KSR1: variants seen among roughly 807,000 people sequenced by gnomAD.
KSR1 encodes the protein kinase suppressor of ras.
In KSR1, 35 loss-of-function variants were observed where a neutral mutation model predicts 92.9. The ratio of observed to expected loss-of-function variants is 0.38; its 90% CI spans 0.29 to 0.50. The LOEUF (loss-of-function observed/expected upper bound fraction) is 0.50. KSR1 is among the 20% of genes least tolerant of loss of function. The probability of loss-of-function intolerance (pLI) is 0.94; values close to 1 mark genes in which losing one functional copy is unlikely to be tolerated. For missense variants in KSR1, 972 were observed against 1,158.5 expected (o/e 0.84, Z 2.34); for synonymous variants, 467 against 472.6 (o/e 0.99, Z 0.15).
At chr17:27,460,983 CTT>C (rs1436253735) in intron 1 of KSR1, among the ~76,000 whole-genome samples, 1 of 152,180 alleles carries the variant, frequency 6.6e-6, no homozygotes, top group African/African-American at 2.4e-5. Context: ...ACAGTAATGA[CTT>C]TAGTAGCACA....
chr17:27,585,375 C>T (rs899596821), intron 4 of KSR1, among the ~76,000 whole-genome samples: 5 of 152,158 alleles, frequency 3.3e-5, no homozygotes, highest in Admixed American at 1.3e-4. Flanking sequence ...TGCTTGGTTG[C>T]TGGCGAGGCT....
intron 1 of KSR1, among the ~76,000 whole-genome samples, chr17:27,548,630 G>A (rs1366747921): frequency 6.6e-6 from 1 of 152,120 alleles, no homozygotes; most frequent in Admixed American, 6.5e-5. Context: ...AGAAGTTGGA[G>A]ACCAGCCTGT....
At chr17:27,468,626 T>A (rs1179830346) in intron 1 of KSR1, among the ~76,000 whole-genome samples, 1 of 152,180 alleles carries the variant, frequency 6.6e-6, no homozygotes, top group Non-Finnish European at 1.5e-5. Context: ...CCCAGGGCGG[T>A]CTTCTCCAGC....
intron 1 of KSR1, among the ~76,000 whole-genome samples, chr17:27,537,027 C>T (rs2070775956): frequency 6.6e-6 from 1 of 152,232 alleles, no homozygotes; most frequent in Non-Finnish European, 1.5e-5. Context: ...GAAGAACCCT[C>T]ACCACCCACT....
chr17:27,587,970 C>T (rs543352569), intron 5 of KSR1, among the ~76,000 whole-genome samples: 19 of 152,342 alleles, frequency 1.2e-4, no homozygotes, highest in East Asian at 3.9e-4. Flanking sequence ...AGTGGCCTCT[C>T]CCAGAGGAAT....
At chr17:27,531,522 G>C (rs2070536729) in intron 1 of KSR1, among the ~76,000 whole-genome samples, 1 of 151,506 alleles carries the variant, frequency 6.6e-6, no homozygotes, top group African/African-American at 2.4e-5. Context: ...ATCCGTCATG[G>C]AAGATCTGGC....
chr17:27,528,852 C>T (rs1183302418), intron 1 of KSR1, among the ~76,000 whole-genome samples: 2 of 152,100 alleles, frequency 1.3e-5, no homozygotes, highest in Non-Finnish European at 2.9e-5. Context: ...TTGCAGTGAG[C>T]TACGGTCATG....
At chr17:27,602,394 G>A (rs1283681824) in intron 11 of KSR1, among the ~76,000 whole-genome samples, 3 of 152,210 alleles carry the variant, frequency 2.0e-5, no homozygotes, top group East Asian at 1.9e-4. Context: ...TAGGATGCAC[G>A]CAGGGAATTA....
In KSR1 at chr17:27,609,974, G is replaced by A. The variant is rs1674459137; in HGVS notation, c.2226-93G>A. On this transcript the variant is annotated intron_variant, in intron 16 of 20. Coordinates refer to ENST00000644974, the MANE Select transcript of KSR1 (RefSeq NM_001394583.1). ...TGTGTTTTCTAAGCTGTGTGTGGGT[G>A]TTCTGCCGGCCCTGGGGCAGACCTG... 14 of 1,522,330 alleles carry A rather than the reference G, an allele frequency of 9.2e-6. No homozygotes were observed. In the South Asian group the frequency reaches 1.4e-4, roughly 15 times the overall value. The allele number at this position is 1,522,330 out of a possible 1,614,324, so 94.3% of individuals were successfully genotyped here. A position where few individuals can be genotyped will look rare whatever the true frequency, so the allele number is the denominator to read the frequency against.
intron 19 of KSR1, chr17:27,617,630 C>G: frequency 1.8e-6 from 1 of 558,164 alleles, no homozygotes; most frequent in Non-Finnish European, 3.1e-6. Context: ...TGGGTTCAAG[C>G]AATTCTCCTG....
intron 1 of KSR1, among the ~76,000 whole-genome samples, chr17:27,462,731 A>G (rs1361608521): frequency 6.6e-6 from 1 of 152,242 alleles, no homozygotes; most frequent in African/African-American, 2.4e-5. Flanking sequence ...TCACTATAAA[A>G]AAGAAAGTAC....
intron 1 of KSR1, among the ~76,000 whole-genome samples, chr17:27,479,306 C>G (rs1233971712): frequency 6.6e-6 from 1 of 152,264 alleles, no homozygotes; most frequent in African/African-American, 2.4e-5. Flanking sequence ...CCCATCCATG[C>G]TCCTCCCTTC....
At chr17:27,457,300 C>T (rs2019223534) in intron 1 of KSR1, among the ~76,000 whole-genome samples, 1 of 152,154 alleles carries the variant, frequency 6.6e-6, no homozygotes. Flanking sequence ...CGCAGGCCTG[C>T]CGTCCCCTGT....
In KSR1 at chr17:27,597,308, A is replaced by T; in HGVS notation, c.1340A>T (p.Asn447Ile). The T allele has an allele frequency of 6.2e-7, 1 of 1,605,230 alleles. No individual in the cohort carries two copies. Among genetic ancestry groups the T allele is most frequent in the Non-Finnish European group, 8.5e-7 (1 of 1,176,050 alleles). ...ATGAATCACCTGGACTCCAGCAGCA[A>T]CCCTTCCTCCACCACCTCCTCCACA... is the stretch of plus-strand genomic sequence containing the variant. ...PAMNHLDSSS[N>I]PSSTTSSTPS... The change falls in exon 10 of 21, where the codon AAC (asparagine) becomes ATC (isoleucine). Residue 447 changes from asparagine (N) to isoleucine (I), a missense_variant. Physicochemically the swap from Asn to Ile is moderately radical, Grantham distance 149. Coordinates refer to ENST00000644974, the MANE Select transcript of KSR1 (RefSeq NM_001394583.1).
intron 1 of KSR1, among the ~76,000 whole-genome samples, chr17:27,491,349 GTGTT>G (rs1219130446): frequency 5.2e-4 from 47 of 90,740 alleles, no homozygotes; most frequent in Admixed American, 8.3e-4. Flanking sequence ...GTGTGTGTGT[GTGTT>G]GGGGGTGGGG....
intron 1 of KSR1, among the ~76,000 whole-genome samples, chr17:27,472,890 C>T (rs2020094452): frequency 1.3e-5 from 2 of 152,332 alleles, no homozygotes; most frequent in East Asian, 3.9e-4. Flanking sequence ...CTTCCTCCCA[C>T]AGTTATGGCT....
intron 1 of KSR1, among the ~76,000 whole-genome samples, chr17:27,458,427 A>C (rs2019282419): frequency 6.6e-6 from 1 of 152,008 alleles, no homozygotes; most frequent in Non-Finnish European, 1.5e-5. Flanking sequence ...CCTCTGTGGG[A>C]TTGTCCCCAC....
intron 10 of KSR1, among the ~76,000 whole-genome samples, chr17:27,598,312 C>A (rs1452960634): frequency 3.9e-5 from 6 of 152,190 alleles, no homozygotes; most frequent in Non-Finnish European, 8.8e-5. Context: ...CCATAGAGTC[C>A]AGGTCAGGCC....
intron 9 of KSR1, among the ~76,000 whole-genome samples, chr17:27,594,347 A>G (rs915138748): frequency 4.7e-4 from 71 of 151,658 alleles, no homozygotes; most frequent in African/African-American, 1.7e-3. Flanking sequence ...CCCTGCCCCC[A>G]TTGCCAACAA....
Sources: allele counts gnomAD v4.1 joint callset (sites outside exome capture counted in the v4.1 genomes callset), GRCh38; gene constraint gnomAD v4.1.1; transcripts MANE v1.5; gene names NCBI Gene and HGNC (gene_info 2026-07-23, HGNC 2026-07-21).